Variants in OCA2 observed in about 807,000 individuals in gnomAD.
OCA2 encodes OCA2 melanosomal transmembrane protein, also known as P protein.
Under a neutral mutation model 100.2 loss-of-function variants are expected in OCA2, and 77 were observed. That is an observed-to-expected ratio of 0.77 (90% CI 0.64 to 0.93). The LOEUF (loss-of-function observed/expected upper bound fraction) is 0.93, where lower values mean the gene tolerates loss of function less well. OCA2 is among the 40% of genes least tolerant of loss of function. The pLI, the probability that OCA2 is intolerant of heterozygous loss-of-function variation, is 0.00. For missense variants in OCA2, 1,062 were observed against 1,089.1 expected (o/e 0.98, Z 0.35); for synonymous variants, 432 against 439.2 (o/e 0.98, Z 0.21).
the OCA2 span, among the ~76,000 whole-genome samples, chr15:27,733,193 T>C: frequency 1.3e-5 from 2 of 152,208 alleles, no homozygotes; most frequent in African/African-American, 4.8e-5. Flanking sequence ...TGAGATATGG[T>C]TACATTCAGA....
intron 21 of OCA2, among the ~76,000 whole-genome samples, chr15:27,854,431 G>A (rs1008350576): frequency 2.6e-5 from 4 of 152,180 alleles, no homozygotes; most frequent in African/African-American, 4.8e-5. Flanking sequence ...ATATTTGCTG[G>A]GTCACAAGGG....
intron 19 of OCA2, among the ~76,000 whole-genome samples, chr15:27,924,586 T>C (rs2038979947): frequency 6.6e-6 from 1 of 152,126 alleles, no homozygotes. Context: ...ACGAGATAAG[T>C]TAGTATTAAT....
At chr15:27,830,053 A>T (rs903184404) in intron 23 of OCA2, among the ~76,000 whole-genome samples, 1 of 152,258 alleles carries the variant, frequency 6.6e-6, no homozygotes, top group Non-Finnish European at 1.5e-5. Context: ...AATTAATTGA[A>T]ATGATATGAT....
chr15:27,894,289 C>T (rs934881145), intron 19 of OCA2, among the ~76,000 whole-genome samples: 1 of 152,158 alleles, frequency 6.6e-6, no homozygotes, highest in South Asian at 2.1e-4. Context: ...CCTCTGGAGC[C>T]CCCAGTGACT....
chr15:28,018,257 A>G, intron 7 of OCA2, 140 bp downstream of exon 7: 1 of 757,086 alleles, frequency 1.3e-6, no homozygotes, highest in Non-Finnish European at 2.3e-6. Context: ...ACAAAGCAAA[A>G]GATAAGAAGA....
chr15:28,012,455 G>C (rs1022989547), intron 9 of OCA2, among the ~76,000 whole-genome samples: 3 of 152,150 alleles, frequency 2.0e-5, no homozygotes, highest in African/African-American at 7.2e-5. Context: ...GCCCTCCAAG[G>C]CCCTTCCTGA....
At chr15:27,798,768 A>G (rs1410803277) in intron 23 of OCA2, among the ~76,000 whole-genome samples, 1 of 152,256 alleles carries the variant, frequency 6.6e-6, no homozygotes, top group East Asian at 1.9e-4. Context: ...AACATTCAAA[A>G]TAACACGCAA....
At chr15:28,090,809 C>T (rs2141957958) in intron 1 of OCA2, among the ~76,000 whole-genome samples, 1 of 151,946 alleles carries the variant, frequency 6.6e-6, no homozygotes, top group Admixed American at 6.5e-5. Context: ...AAACCCAAAG[C>T]AAGCAGAAAT....
At chr15:27,883,403 A>T (rs1413518035) in intron 19 of OCA2, among the ~76,000 whole-genome samples, 1 of 152,206 alleles carries the variant, frequency 6.6e-6, no homozygotes, top group East Asian at 1.9e-4. Context: ...CGCCCTTAGC[A>T]GATTGGAATT....
At chr15:27,889,206 C>A (rs117013479) in intron 19 of OCA2, among the ~76,000 whole-genome samples, 1,635 of 152,288 alleles carry the variant, frequency 0.011, 8 homozygotes, top group Non-Finnish European at 0.019. Context: ...TTACAGCCTG[C>A]AAGACTTAGC....
intron 21 of OCA2, among the ~76,000 whole-genome samples, chr15:27,870,575 T>C (rs1275489633): frequency 6.6e-6 from 1 of 152,048 alleles, no homozygotes; most frequent in Non-Finnish European, 1.5e-5. Flanking sequence ...GGCCAAGCAC[T>C]AGGAGACACA....
At chr15:28,081,545 A>AT in intron 2 of OCA2, 103 bp downstream of exon 2, 1 of 1,206,330 alleles carries the variant, frequency 8.3e-7, no homozygotes, top group Non-Finnish European at 1.2e-6. Flanking sequence ...TTCTTGCAAA[A>AT]TTTCTGGAAA....
At chr15:27,767,149 T>C (rs576705331) in intron 23 of OCA2, among the ~76,000 whole-genome samples, 1 of 152,302 alleles carries the variant, frequency 6.6e-6, no homozygotes, top group South Asian at 2.1e-4. Flanking sequence ...TAGTTTCCTC[T>C]AGGATCAAGG....
chr15:27,973,031 A>AT (rs548522537), intron 14 of OCA2, among the ~76,000 whole-genome samples: 94 of 151,476 alleles, frequency 6.2e-4, no homozygotes, highest in African/African-American at 2.2e-3. Context: ...ACGCCCAGCT[A>AT]TTTTTTTATT....
chr15:28,018,368 A>G (rs1487302693), intron 7 of OCA2, 29 bp downstream of exon 7: 1 of 1,608,326 alleles, frequency 6.2e-7, no homozygotes, highest in Non-Finnish European at 8.5e-7. Flanking sequence ...AGATTTCACA[A>G]TTCCTTTCAA....
intron 23 of OCA2, among the ~76,000 whole-genome samples, chr15:27,821,413 T>A (rs545493618): frequency 6.6e-6 from 1 of 152,284 alleles, no homozygotes; most frequent in South Asian, 2.1e-4. Flanking sequence ...CATGGGCACA[T>A]ACATGAACAT....
At chr15:28,039,742 A>AGAGGAAGTT (rs1249411327) in intron 2 of OCA2, among the ~76,000 whole-genome samples, 1 of 152,206 alleles carries the variant, frequency 6.6e-6, no homozygotes, top group African/African-American at 2.4e-5. Flanking sequence ...CCTTATAAGA[A>AGAGGAAGTT]GAGGAAGTTT....
At chr15:28,058,926 G>A (rs1299032584) in intron 2 of OCA2, among the ~76,000 whole-genome samples, 2 of 152,186 alleles carry the variant, frequency 1.3e-5, no homozygotes, top group African/African-American at 4.8e-5. Flanking sequence ...AAGTCCTGAG[G>A]GGATGCAGTG....
intron 23 of OCA2, 140 bp from the exon 24 acceptor site, chr15:27,755,612 G>GA (rs1484956534): frequency 1.4e-6 from 1 of 711,666 alleles, no homozygotes; most frequent in African/African-American, 1.7e-5. Context: ...CATAAATCAG[G>GA]AAGTTAGTTT....
Sources: allele counts gnomAD v4.1 joint callset (sites outside exome capture counted in the v4.1 genomes callset), GRCh38; gene constraint gnomAD v4.1.1; transcripts MANE v1.5; gene names NCBI Gene and HGNC (gene_info 2026-07-23, HGNC 2026-07-21).